The following USP37 variants were observed in gnomAD, a reference collection of about 807,000 sequenced individuals.
USP37 encodes ubiquitin carboxyl-terminal hydrolase 37.
A neutral mutation model predicts 124.0 loss-of-function variants in USP37; 27 were observed. That is an observed-to-expected ratio of 0.22 (90% CI 0.16 to 0.30). USP37 has a LOEUF of 0.30. USP37 is among the 10% of genes least tolerant of loss of function. The pLI is 1.00. For missense variants in USP37, 889 were observed against 1,140.4 expected (o/e 0.78, Z 3.17); for synonymous variants, 365 against 388.0 (o/e 0.94, Z 0.70).
chr2:218,535,439 G>A (rs577287477), intron 8 of USP37, among the ~76,000 whole-genome samples: 5 of 151,930 alleles, frequency 3.3e-5, no homozygotes, highest in South Asian at 2.1e-4. Flanking sequence ...CAGGCTGGGC[G>A]CGGTGGCTCA....
intron 11 of USP37, among the ~76,000 whole-genome samples, chr2:218,507,516 G>T (rs1689744938): frequency 6.6e-6 from 1 of 151,990 alleles, no homozygotes; most frequent in South Asian, 2.1e-4. Flanking sequence ...TGTTCTAGGG[G>T]GCAGAATTTT....
chr2:218,470,486 T>C (rs1690618452), intron 20 of USP37, among the ~76,000 whole-genome samples: 1 of 152,220 alleles, frequency 6.6e-6, no homozygotes, highest in Non-Finnish European at 1.5e-5. Context: ...CATAAATCCT[T>C]ATCAAATAAT....
chr2:218,506,286 C>CTTTTTTTTTTTTTTTTTTTTTTTTTT (rs60620765), intron 11 of USP37, among the ~76,000 whole-genome samples: 1 of 72,614 alleles, frequency 1.4e-5, no homozygotes. Context: ...TTCTTTCTGG[C>CTTTTTTTTTTTTTTTTTTTTTTTTTT]TTTTTTTTTT....
At chr2:218,488,183 A>T in intron 15 of USP37, 121 bp downstream of exon 15, 1 of 592,848 alleles carries the variant, frequency 1.7e-6, no homozygotes, top group Non-Finnish European at 2.7e-6. Context: ...CTCAAAAAAA[A>T]AAAAAAAAAA....
intron 10 of USP37, among the ~76,000 whole-genome samples, chr2:218,516,587 G>A (rs931184418): frequency 2.0e-5 from 3 of 152,164 alleles, no homozygotes; most frequent in African/African-American, 7.2e-5. Context: ...AATACCTAAT[G>A]CATGCAGGGC....
chr2:218,568,021 G>C (rs1693744802), intron 1 of USP37, among the ~76,000 whole-genome samples, 157 bp downstream of exon 1: 1 of 152,236 alleles, frequency 6.6e-6, no homozygotes, highest in South Asian at 2.1e-4. Context: ...CCCAAAGGTA[G>C]TACCTGTGAG....
At chr2:218,461,536 T>A (rs1690014478) in intron 22 of USP37, among the ~76,000 whole-genome samples, 1 of 151,276 alleles carries the variant, frequency 6.6e-6, no homozygotes, top group Non-Finnish European at 1.5e-5. Context: ...AAAGAAAATC[T>A]AAGAATGTGA....
intron 6 of USP37, among the ~76,000 whole-genome samples, chr2:218,549,491 G>T (rs1319922590): frequency 7.1e-6 from 1 of 140,508 alleles, no homozygotes; most frequent in Non-Finnish European, 1.5e-5. Context: ...TTGAGATGGA[G>T]TCTTGCTCTG....
intron 14 of USP37, among the ~76,000 whole-genome samples, chr2:218,495,202 C>T (rs957056859): frequency 3.3e-5 from 5 of 152,058 alleles, no homozygotes; most frequent in African/African-American, 1.2e-4. Flanking sequence ...AGTGCAGTGG[C>T]GTCATCATGG....
intron 4 of USP37, among the ~76,000 whole-genome samples, chr2:218,555,702 C>A (rs565726746): frequency 1.6e-4 from 25 of 152,258 alleles, no homozygotes; most frequent in Admixed American, 6.5e-4. Flanking sequence ...ACACACAACT[C>A]TTCCTCTATC....
intron 17 of USP37, among the ~76,000 whole-genome samples, chr2:218,480,398 CAAA>C (rs397868988): frequency 0.12 from 5,712 of 48,656 alleles, 305 homozygotes; most frequent in African/African-American, 0.26. Context: ...GACTCCGTCT[CAAA>C]AAAAAAAAAA....
At chr2:218,526,951 G>A (rs976121116) in intron 10 of USP37, among the ~76,000 whole-genome samples, 1 of 151,728 alleles carries the variant, frequency 6.6e-6, no homozygotes, top group South Asian at 2.1e-4. Flanking sequence ...ACCACGCCCG[G>A]CTAATTTTTT....
chr2:218,489,678 T>C (rs1472188813), intron 14 of USP37, among the ~76,000 whole-genome samples: 15 of 151,734 alleles, frequency 9.9e-5, no homozygotes, highest in Admixed American at 9.9e-4. Context: ...TGGGGTTTCA[T>C]CATGTTAGCC....
At chr2:218,539,738 G>A (rs1040539438) in intron 8 of USP37, among the ~76,000 whole-genome samples, 4 of 151,900 alleles carry the variant, frequency 2.6e-5, no homozygotes, top group East Asian at 1.9e-4. Context: ...CTGGCCGGGC[G>A]CAGTGGCTCA....
intron 11 of USP37, among the ~76,000 whole-genome samples, chr2:218,506,573 C>G (rs1382706794): frequency 1.3e-5 from 2 of 150,810 alleles, no homozygotes; most frequent in Admixed American, 6.6e-5. Flanking sequence ...GGGTGAGCCA[C>G]CACGCCCGGC....
chr2:218,561,862 C>T (rs1482545951), intron 2 of USP37, among the ~76,000 whole-genome samples: 1 of 152,146 alleles, frequency 6.6e-6, no homozygotes, highest in African/African-American at 2.4e-5. Context: ...CCCCCAAATC[C>T]TTCTGAATTA....
chr2:218,528,802 TGAAAAAAAAA>T (rs1691130966), intron 10 of USP37: 1 of 12,378 alleles, frequency 8.1e-5, no homozygotes, highest in Non-Finnish European at 2.1e-4. Flanking sequence ...CCAATAAATC[TGAAAAAAAAA>T]AAAAAAAAAA....
At chr2:218,508,019 C>T (rs1414047095) in intron 11 of USP37, among the ~76,000 whole-genome samples, 1 of 152,164 alleles carries the variant, frequency 6.6e-6, no homozygotes, top group African/African-American at 2.4e-5. Context: ...AGGCTCCCTT[C>T]CCTAACTCTC....
At chr2:218,561,222 C>G (rs904647431) in intron 2 of USP37, among the ~76,000 whole-genome samples, 3 of 152,120 alleles carry the variant, frequency 2.0e-5, no homozygotes, top group Admixed American at 6.5e-5. Context: ...CTTTTTTCCA[C>G]TCCGCCACTC....
Sources: gnomAD v4.1 joint callset for allele counts (sites outside exome capture counted in the v4.1 genomes callset) on GRCh38, gnomAD v4.1.1 for gene constraint, MANE v1.5 for transcripts, NCBI Gene and HGNC (gene_info 2026-07-23, HGNC 2026-07-21) for gene names.